Variants in CTTNBP2 observed in about 807,000 individuals in gnomAD.
CTTNBP2 encodes the protein cortactin binding protein 2.
In CTTNBP2, 108 loss-of-function variants were observed where a neutral mutation model predicts 156.9. That is an observed-to-expected ratio of 0.69 (90% CI 0.59 to 0.81). The LOEUF is 0.81. Ranked by LOEUF, CTTNBP2 falls within the 30% of genes least tolerant of loss-of-function variation. The pLI, the probability that CTTNBP2 is intolerant of heterozygous loss-of-function variation, is 0.00. For missense variants in CTTNBP2, 1,924 were observed against 2,035.4 expected, an observed-to-expected ratio of 0.95 and a Z score of 1.05; for synonymous variants, 767 against 751.8, an observed-to-expected ratio of 1.02 and a Z score of -0.33.
intron 2 of CTTNBP2, among the ~76,000 whole-genome samples, chr7:117,832,329 T>G (rs1156458470): frequency 6.6e-6 from 1 of 152,212 alleles, no homozygotes; most frequent in Non-Finnish European, 1.5e-5. Flanking sequence ...TGTCTCCTGC[T>G]CAGTCCCTAC....
chr7:117,863,678 G>A (rs1456783854), intron 1 of CTTNBP2, among the ~76,000 whole-genome samples: 2 of 152,146 alleles, frequency 1.3e-5, no homozygotes, highest in African/African-American at 4.8e-5. Flanking sequence ...AATTCCTAAC[G>A]TCTACCCTGC....
chr7:117,817,359 A>ATATATATATATATATAT (rs1317732791), intron 2 of CTTNBP2, among the ~76,000 whole-genome samples: 1 of 34,194 alleles, frequency 2.9e-5, no homozygotes, highest in Non-Finnish European at 6.0e-5. Context: ...AAAAAAAAAA[A>ATATATATATATATATAT]AAATATATAT....
At chr7:117,867,381 G>T (rs957925339) in intron 1 of CTTNBP2, among the ~76,000 whole-genome samples, 1 of 152,068 alleles carries the variant, frequency 6.6e-6, no homozygotes, top group African/African-American at 2.4e-5. Context: ...CTTAAAATCT[G>T]CTCTATTACT....
chr7:117,712,232 CATAAG>C (rs1794100905), intron 22 of CTTNBP2: 1 of 153,830 alleles, frequency 6.5e-6, no homozygotes, highest in Non-Finnish European at 1.4e-5. Flanking sequence ...TAGGAGAAAA[CATAAG>C]AGAAACATTC....
intron 16 of CTTNBP2, among the ~76,000 whole-genome samples, chr7:117,732,231 C>G (rs1795440546): frequency 1.3e-5 from 2 of 152,090 alleles, no homozygotes; most frequent in South Asian, 4.2e-4. Flanking sequence ...CCATATAACA[C>G]ACATGACCTA....
At chr7:117,865,997 A>G (rs1383224030) in intron 1 of CTTNBP2, among the ~76,000 whole-genome samples, 2 of 149,170 alleles carry the variant, frequency 1.3e-5, no homozygotes, top group Non-Finnish European at 3.0e-5. Context: ...TATATTATGT[A>G]TAAATGGAAA....
chr7:117,809,767 T>C (rs770467863), intron 3 of CTTNBP2, among the ~76,000 whole-genome samples: 11 of 152,216 alleles, frequency 7.2e-5, no homozygotes, highest in Non-Finnish European at 1.5e-4. Flanking sequence ...ATATGTATCA[T>C]AAATATTTAT....
chr7:117,863,489 C>CT (rs1389609375), intron 1 of CTTNBP2, among the ~76,000 whole-genome samples: 1 of 152,160 alleles, frequency 6.6e-6, no homozygotes, highest in African/African-American at 2.4e-5. Flanking sequence ...ACCTGAAGAC[C>CT]TTGTGAAAAA....
intron 2 of CTTNBP2, among the ~76,000 whole-genome samples, chr7:117,841,917 C>T (rs556365968): frequency 6.6e-6 from 1 of 152,186 alleles, no homozygotes; most frequent in African/African-American, 2.4e-5. Context: ...GGACAGCAAA[C>T]AGCAGGGATG....
At chr7:117,715,363 C>T (rs979935487) in intron 22 of CTTNBP2, among the ~76,000 whole-genome samples, 12 of 151,182 alleles carry the variant, frequency 7.9e-5, no homozygotes, top group African/African-American at 2.9e-4. Flanking sequence ...CAGATCAGGG[C>T]TATGTTTTAG....
Position 117,767,118 on chromosome 7 carries a change from C to T in CTTNBP2, c.2837G>A (p.Cys946Tyr). The change falls in exon 9 of 23, where the codon TGC (cysteine) becomes TAC (tyrosine). Residue 946 changes from cysteine to tyrosine, a missense_variant. Cys to Tyr is a radical substitution (Grantham distance 194). Coordinates refer to ENST00000160373, the MANE Select transcript of CTTNBP2 (RefSeq NM_033427.3). ...GGCAACATCATGCACAGTCCGATTG[C>T]ACTTGTCTCTCCTTTCTGGCTCAAG... Reference protein sequence around the residue: ...GGLEPERRDKCNRTVHDVATD... With the variant: ...GGLEPERRDKYNRTVHDVATD... 6.2e-7 allele frequency: 1 copy of T among 1,613,410 alleles called. No individual in the cohort carries two copies. The highest frequency in any genetic ancestry group is 8.5e-7 in the Non-Finnish European group (1 of 1,179,336).
intron 8 of CTTNBP2, 139 bp downstream of exon 8, chr7:117,777,372 T>C (rs1798159279): frequency 2.4e-6 from 2 of 849,738 alleles, no homozygotes; most frequent in East Asian, 2.5e-5. Flanking sequence ...ATAATGTCAA[T>C]TTGTATTGGT....
intron 22 of CTTNBP2, among the ~76,000 whole-genome samples, chr7:117,716,926 C>CTTACT (rs1794413054): frequency 6.6e-6 from 1 of 152,198 alleles, no homozygotes; most frequent in Non-Finnish European, 1.5e-5. Flanking sequence ...TCTCACCATG[C>CTTACT]TTACTTTATA....
At chr7:117,808,108 T>G (rs1800057410) in intron 3 of CTTNBP2, among the ~76,000 whole-genome samples, 1 of 152,200 alleles carries the variant, frequency 6.6e-6, no homozygotes, top group African/African-American at 2.4e-5. Context: ...CTGAATTTCC[T>G]GGTTATTATT....
intron 2 of CTTNBP2, among the ~76,000 whole-genome samples, chr7:117,814,654 C>T (rs746149674): frequency 6.6e-6 from 1 of 152,184 alleles, no homozygotes; most frequent in Non-Finnish European, 1.5e-5. Flanking sequence ...TCTTGAACTC[C>T]TAAGCTCAAG....
Position 117,823,711 on chromosome 7 carries a change from T to C in CTTNBP2, c.190-12722A>G, listed in dbSNP as rs1056288480. 2.6e-5 allele frequency among the ~76,000 whole-genome samples: 4 copies of C among 152,270 alleles called. No homozygotes were observed. The South Asian group carries it at 6.2e-4, about 24-fold the overall frequency. ...GCTCTTCTTGGACACTTTTCGTTTG[T>C]TTTTGGAGACAGGGTCTTGCTCTGT... On this transcript the variant is annotated intron_variant, in intron 2 of 22. Coordinates refer to ENST00000160373, the MANE Select transcript of CTTNBP2 (RefSeq NM_033427.3).
chr7:117,792,572 T>C lies in CTTNBP2; in HGVS notation c.624A>G (p.Glu208=). The change falls in exon 4 of 23, where the codon GAA becomes GAG. Residue 208 remains glutamate (E), a synonymous_variant. Coordinates refer to ENST00000160373, the MANE Select transcript of CTTNBP2 (RefSeq NM_033427.3). This position sits in a 1 kb window ranked among gnomAD's most constrained non-coding sequence, Gnocchi z 4.2. ...TCTCAGCGGAGAGTTCCTCTTCTAA[T>C]TCATTCGTCTTTTTCTTTTCCTCTT... ...KLEEEKKKTN[E]LEEELSAEKR... 1 of 1,614,224 alleles carries C rather than the reference T, an allele frequency of 6.2e-7. No individual in the cohort carries two copies. Among genetic ancestry groups the C allele is most frequent in the Non-Finnish European group, 8.5e-7 (1 of 1,180,034 alleles).
intron 22 of CTTNBP2, among the ~76,000 whole-genome samples, chr7:117,717,817 G>A (rs557712381): frequency 2.0e-5 from 3 of 151,068 alleles, no homozygotes; most frequent in Admixed American, 6.6e-5. Context: ...AAAAAGTAAT[G>A]CTTTCCTATG....
chr7:117,855,147 T>C (rs956935386), intron 2 of CTTNBP2, among the ~76,000 whole-genome samples: 1 of 152,168 alleles, frequency 6.6e-6, no homozygotes, highest in African/African-American at 2.4e-5. Flanking sequence ...GGGCTCGCTG[T>C]TGCAAGTGGT....
Sources: gnomAD v4.1 joint callset for allele counts (sites outside exome capture counted in the v4.1 genomes callset) on GRCh38, gnomAD v4.1.1 for gene constraint, Gnocchi (gnomAD v3.1) non-coding constraint, MANE v1.5 for transcripts, NCBI Gene and HGNC (gene_info 2026-07-23, HGNC 2026-07-21) for gene names.